Variants in SLCO6A1 observed in about 807,000 individuals in gnomAD.
SLCO6A1 encodes cancer/testis antigen 48.
Under a neutral mutation model 72.7 loss-of-function variants are expected in SLCO6A1, and 65 were observed. The observed-to-expected ratio is 0.89, with a 90% CI of 0.73 to 1.10. The LOEUF is 1.10. SLCO6A1 is among the 50% of genes least tolerant of loss of function. The pLI is 0.00. For missense variants in SLCO6A1, 874 were observed against 872.6 expected (o/e 1.00, Z -0.02); for synonymous variants, 314 against 298.2 (o/e 1.05, Z -0.55).
Position 102,421,830 on chromosome 5 carries a change from A to G in SLCO6A1, c.1277-1809T>C, listed in dbSNP as rs575971224. ...GACTCCCATGCCTCCTGACTGGAAG[A>G]CACCTCCCAGCAGGGGTCAGCAGAC... On this transcript the variant is annotated intron_variant, in intron 7 of 13. Coordinates refer to ENST00000506729, the MANE Select transcript of SLCO6A1 (RefSeq NM_173488.5). Among the ~76,000 whole-genome samples the G allele has an allele frequency of 2.0e-5, 3 of 152,284 alleles. No homozygotes were observed. In the South Asian group the frequency reaches 6.2e-4, roughly 32 times the overall value.
At chr5:102,454,047 C>T (rs1229549364) in intron 6 of SLCO6A1, among the ~76,000 whole-genome samples, 1 of 152,194 alleles carries the variant, frequency 6.6e-6, no homozygotes, top group African/African-American at 2.4e-5. Flanking sequence ...ATATCATTGG[C>T]CAGATATATC....
chr5:102,377,684 T>C (rs777712341), intron 12 of SLCO6A1, among the ~76,000 whole-genome samples: 1 of 151,836 alleles, frequency 6.6e-6, no homozygotes, highest in Non-Finnish European at 1.5e-5. Flanking sequence ...TAGATATAGA[T>C]AGATATAGAA....
intron 9 of SLCO6A1, among the ~76,000 whole-genome samples, chr5:102,412,751 A>G (rs1748054656): frequency 1.3e-5 from 2 of 151,782 alleles, no homozygotes; most frequent in African/African-American, 4.8e-5. Context: ...ACAGAGTCAG[A>G]TCTTGTCTCA....
intron 10 of SLCO6A1, among the ~76,000 whole-genome samples, chr5:102,394,987 T>C (rs1437756312): frequency 6.6e-6 from 1 of 152,190 alleles, no homozygotes; most frequent in African/African-American, 2.4e-5. Context: ...TTTATTTCTA[T>C]ACTTACTATT....
chr5:102,413,913 T>G (rs530221803), intron 8 of SLCO6A1, among the ~76,000 whole-genome samples: 1 of 152,302 alleles, frequency 6.6e-6, no homozygotes, highest in East Asian at 1.9e-4. Context: ...TATTTTTTAT[T>G]AAATATCTGT....
chr5:102,434,199 G>A (rs1022973298), intron 7 of SLCO6A1, among the ~76,000 whole-genome samples: 2 of 152,050 alleles, frequency 1.3e-5, no homozygotes, highest in Non-Finnish European at 2.9e-5. Flanking sequence ...TATACGATGA[G>A]TAGCCTTGAA....
rs1484471652 is a variant in SLCO6A1, at chr5:102,377,548, A to T, written c.2018-4054T>A. 2.0e-5 allele frequency among the ~76,000 whole-genome samples: 3 copies of T among 152,218 alleles called. No homozygotes were observed. In the East Asian group the frequency reaches 5.8e-4, roughly 29 times the overall value. Reference sequence around the variant, plus strand: ...GTTTCCACAAGGGTACTCAATTATCAAAAGCCATCAAGTTGAACTTCTAAA... The same window carrying T: ...GTTTCCACAAGGGTACTCAATTATCTAAAGCCATCAAGTTGAACTTCTAAA... On this transcript the variant is annotated intron_variant, in intron 12 of 13. Transcript: ENST00000506729.
intron 6 of SLCO6A1, among the ~76,000 whole-genome samples, chr5:102,455,831 A>G (rs1750681225): frequency 6.6e-6 from 1 of 152,228 alleles, no homozygotes; most frequent in South Asian, 2.1e-4. Context: ...AAAAGACTTC[A>G]AAAGTCTTGA....
At chr5:102,475,819 C>T (rs1426008618) in intron 3 of SLCO6A1, 26 bp from the exon 4 acceptor site, 1 of 1,500,296 alleles carries the variant, frequency 6.7e-7, no homozygotes, top group African/African-American at 1.4e-5. Context: ...TGAAACTGAA[C>T]ATCAAACAAT....
intron 6 of SLCO6A1, among the ~76,000 whole-genome samples, chr5:102,451,139 C>T (rs1402523686): frequency 1.3e-5 from 2 of 152,184 alleles, no homozygotes; most frequent in Non-Finnish European, 1.5e-5. Flanking sequence ...TATAAGGAAG[C>T]TACACTGTGC....
chr5:102,478,863 T>C (rs911987739), intron 2 of SLCO6A1, among the ~76,000 whole-genome samples: 1 of 152,204 alleles, frequency 6.6e-6, no homozygotes, highest in Non-Finnish European at 1.5e-5. Context: ...TGTGAAATGA[T>C]TTTGACTTCA....
chr5:102,442,418 G>A (rs1052367577), intron 6 of SLCO6A1, among the ~76,000 whole-genome samples: 10 of 152,092 alleles, frequency 6.6e-5, no homozygotes, highest in African/African-American at 2.4e-4. Context: ...CTATTTTTTT[G>A]AGTGGTTATG....
chr5:102,467,956 T>C (rs1451451758), intron 4 of SLCO6A1, among the ~76,000 whole-genome samples: 1 of 152,138 alleles, frequency 6.6e-6, no homozygotes, highest in Admixed American at 6.6e-5. Flanking sequence ...GACTTCTTGA[T>C]GTAGGCATTT....
chr5:102,481,130 T>A (rs1477436482), intron 1 of SLCO6A1, among the ~76,000 whole-genome samples: 1 of 152,166 alleles, frequency 6.6e-6, no homozygotes, highest in African/African-American at 2.4e-5. Flanking sequence ...GTCCAAATGG[T>A]TACTAATCAA....
rs1158468342 is a variant in SLCO6A1 at position 102,480,343 on chromosome 5, A to G, written c.450T>C (p.Ser150=). The part of the protein sequence containing the change: ...KTIEKLALEK[S]YDISSGLVAI... ...CTACCAGGCCAGATGAAATATCGTA[A>G]CTCTTTTCCAATGCCAACTTCTCAA... is the stretch of plus-strand genomic sequence containing the variant. The change falls in exon 2 of 14, where the codon AGT becomes AGC. Residue 150 remains serine, a synonymous_variant. Coordinates refer to ENST00000506729, the MANE Select transcript of SLCO6A1 (RefSeq NM_173488.5). 2 of 1,613,472 alleles carry G rather than the reference A, an allele frequency of 1.2e-6. No individual in the cohort carries two copies. Among genetic ancestry groups the G allele is most frequent in the South Asian group, 2.2e-5 (2 of 91,062 alleles).
At chr5:102,374,675 GA>G (rs1440452478) in intron 12 of SLCO6A1, among the ~76,000 whole-genome samples, 2 of 152,114 alleles carry the variant, frequency 1.3e-5, no homozygotes, top group East Asian at 1.9e-4. Context: ...ATTTTACAGG[GA>G]AAAATACCAT....
At chr5:102,440,111 A>G (rs528579158) in intron 6 of SLCO6A1, among the ~76,000 whole-genome samples, 1 of 152,262 alleles carries the variant, frequency 6.6e-6, no homozygotes, top group East Asian at 1.9e-4. Flanking sequence ...CCCAAGAGAG[A>G]TGCAGAGGAT....
intron 6 of SLCO6A1, among the ~76,000 whole-genome samples, chr5:102,456,104 C>T (rs1482933085): frequency 6.6e-6 from 1 of 151,978 alleles, no homozygotes; most frequent in Non-Finnish European, 1.5e-5. Context: ...TGGGATATAC[C>T]TCAAAATAAT....
At chr5:102,402,537 A>C in intron 9 of SLCO6A1, among the ~76,000 whole-genome samples, 1 of 152,186 alleles carries the variant, frequency 6.6e-6, no homozygotes, top group African/African-American at 2.4e-5. Context: ...CTTATTTCTC[A>C]TAATTCTGAA....
Sources: allele counts gnomAD v4.1 joint callset (sites outside exome capture counted in the v4.1 genomes callset), GRCh38; gene constraint gnomAD v4.1.1; transcripts MANE v1.5; gene names NCBI Gene and HGNC (gene_info 2026-07-23, HGNC 2026-07-21).